Variants in RIPOR1 observed in about 807,000 individuals in gnomAD.
The protein encoded by RIPOR1 is RHO family interacting cell polarization regulator 1.
In RIPOR1, 58 loss-of-function variants were observed where a neutral mutation model predicts 116.5. That is an observed-to-expected ratio of 0.50 (90% CI 0.40 to 0.62). RIPOR1 has a LOEUF of 0.62. RIPOR1 is among the 20% of genes least tolerant of loss of function. The pLI, the probability that RIPOR1 is intolerant of heterozygous loss-of-function variation, is 0.00. For synonymous variants in RIPOR1, 605 were observed against 650.0 expected (o/e 0.93, Z 1.05); for missense variants, 1,372 against 1,586.2 (o/e 0.86, Z 2.29).
At chr16:67,527,867 A>C (rs1209650725), upstream of RIPOR1, among the ~76,000 whole-genome samples, 1 of 151,718 alleles carries the variant, frequency 6.6e-6, no homozygotes, top group Non-Finnish European at 1.5e-5. Flanking sequence ...AAAAAAAAAA[A>C]AAAACCCGAC....
In RIPOR1 at chr16:67,543,035, A is replaced by G. The variant is rs753758611; in HGVS notation, c.2249A>G (p.Gln750Arg). Residue 750 changes from glutamine (Q) to arginine (R), a missense_variant, in exon 13 of 22, where the codon CAG becomes CGG. Gln to Arg is a conservative substitution (Grantham distance 43, BLOSUM62 1). Coordinates refer to ENST00000042381, the MANE Select transcript of RIPOR1 (RefSeq NM_024519.4). The surrounding 1 kb of genome is among the most constrained non-coding windows in gnomAD (Gnocchi z 4.7). ...CCAGATCCCTCAGAGTCTACGGTTCAGAGTCTAAGCCCCACTCCCTCACCC... is the reference window on the plus strand; with the variant it reads ...CCAGATCCCTCAGAGTCTACGGTTCGGAGTCTAAGCCCCACTCCCTCACCC... ...PAPDPSESTV[Q>R]SLSPTPSPPT... The G allele has an allele frequency of 4.6e-5, 71 of 1,540,906 alleles. No homozygotes were observed. The highest frequency in any genetic ancestry group is 6.2e-5 in the Admixed American group (3 of 48,014).
intron 1 of RIPOR1, among the ~76,000 whole-genome samples, chr16:67,533,550 C>T (rs936061571): frequency 1.3e-5 from 2 of 151,858 alleles, no homozygotes; most frequent in South Asian, 2.1e-4. Flanking sequence ...AGGGGAACCA[C>T]GAAGTCCAAA....
Position 67,545,195 on chromosome 16 carries a change from C to A in RIPOR1, c.3031+78C>A. 2 of 1,574,302 alleles carry A rather than the reference C, an allele frequency of 1.3e-6. No homozygotes were observed. Among genetic ancestry groups the A allele is most frequent in the South Asian group, 2.2e-5 (2 of 89,444 alleles). On this transcript the variant is annotated intron_variant, in intron 17 of 21. Transcript: ENST00000042381. The surrounding 1 kb of genome is among the most constrained non-coding windows in gnomAD (Gnocchi z 4.8). ...AGCTCGGGGAAGCCAGGTCAGCCCA[C>A]ACAGATAAACGAACTGGGCACCGAG...
chr16:67,527,648 G>A (rs1415103935), upstream of RIPOR1, among the ~76,000 whole-genome samples: 10 of 151,970 alleles, frequency 6.6e-5, no homozygotes, highest in Non-Finnish European at 1.3e-4. Context: ...AGGCCAAGGC[G>A]GGCAGATCAC....
In RIPOR1 at chr16:67,542,766, TACC is replaced by T. The variant is rs757370282; in HGVS notation, c.1983_1985del (p.Thr662del). The T allele has an allele frequency of 2.2e-4, 348 of 1,612,774 alleles. 1 individual carries two copies. Among genetic ancestry groups the T allele is most frequent in the Middle Eastern group, 2.0e-3 (12 of 6,060 alleles). ...AGACTGCCACAAGTCCCACCCATCC[TACC>T]ACAAGCCCCACCCATCCCACCACAA... On this transcript the variant is annotated inframe_deletion, in exon 13 of 22. Coordinates refer to ENST00000042381, the MANE Select transcript of RIPOR1 (RefSeq NM_024519.4). The surrounding 1 kb of genome is among the most constrained non-coding windows in gnomAD (Gnocchi z 4.6).
upstream of RIPOR1, among the ~76,000 whole-genome samples, chr16:67,524,951 G>T (rs2050527502): frequency 2.0e-5 from 3 of 152,182 alleles, no homozygotes; most frequent in Admixed American, 1.3e-4. Context: ...TAAAGCCCAG[G>T]CTCCCCATCA....
In RIPOR1 at chr16:67,544,625, T is replaced by C; in HGVS notation, c.2734-70T>C. 1 of 1,599,658 alleles carries C rather than the reference T, an allele frequency of 6.3e-7. No homozygotes were observed. The highest frequency in any genetic ancestry group is 8.5e-7 in the Non-Finnish European group (1 of 1,176,214). The stretch of plus-strand genomic sequence containing the variant: ...AACCTCCCCCAGTGCATGCTGGGAC[T>C]TGTCCCTGAGCACGATCCTCCCGAG... On this transcript the variant is annotated intron_variant, in intron 15 of 21. Coordinates refer to ENST00000042381, the MANE Select transcript of RIPOR1 (RefSeq NM_024519.4). This position sits in a 1 kb window ranked among gnomAD's most constrained non-coding sequence, Gnocchi z 5.1.
chr16:67,541,964 C>T lies in RIPOR1; in HGVS notation c.1178C>T (p.Thr393Ile), dbSNP rs1287616024. Residue 393 changes from threonine to isoleucine, a missense_variant, in exon 13 of 22, where the codon ACT (threonine) becomes ATT (isoleucine). Coordinates refer to ENST00000042381, the MANE Select transcript of RIPOR1 (RefSeq NM_024519.4). This position sits in a 1 kb window ranked among gnomAD's most constrained non-coding sequence, Gnocchi z 4.6. Reference sequence around the variant, plus strand: ...TCATCCAGCCCACAGCTCTCAGGCACTGCCCGCCACTCACCAGCCCCTAGG... The same window carrying T: ...TCATCCAGCCCACAGCTCTCAGGCATTGCCCGCCACTCACCAGCCCCTAGG... ...DDSSSPQLSG[T>I]ARHSPAPRPL... The T allele has an allele frequency of 6.2e-7, 1 of 1,612,058 alleles. No individual in the cohort carries two copies. Among genetic ancestry groups the T allele is most frequent in the East Asian group, 2.2e-5 (1 of 44,880 alleles).
rs769698529 is a variant in RIPOR1 at position 67,545,039 on chromosome 16, G to A, written c.2953G>A (p.Val985Met). ...GAGACTCAGCTGCTTCCTCTGCCCG[G>A]TGGAGCGGGTGCTTCTCACCTTCTG... Reference protein sequence around the residue: ...TERLSCFLCPVERVLLTFCNQ... With the variant: ...TERLSCFLCPMERVLLTFCNQ... Residue 985 changes from valine to methionine, a missense_variant, in exon 17 of 22, where the codon GTG becomes ATG. Val to Met is a conservative substitution (Grantham distance 21). Transcript: ENST00000042381. The surrounding 1 kb of genome is among the most constrained non-coding windows in gnomAD (Gnocchi z 4.8). 21 of 1,613,392 alleles carry A rather than the reference G, an allele frequency of 1.3e-5. No homozygotes were observed. Among genetic ancestry groups the A allele is most frequent in the Non-Finnish European group, 1.7e-5 (20 of 1,180,032 alleles).
Position 67,541,758 on chromosome 16 carries a change from C to G in RIPOR1, c.1056C>G (p.Pro352=), listed in dbSNP as rs756134430. ...ATAGCCAGAGCCCACCGGACACACC[C>G]TCACTTCGGGAACAGGCTTTCTATG... ...STYSQSPPDT[P]SLREQAFYNM... Residue 352 remains proline, a synonymous_variant, in exon 12 of 22, where the codon CCC becomes CCG. Transcript: ENST00000042381. The surrounding 1 kb of genome is among the most constrained non-coding windows in gnomAD (Gnocchi z 4.6). The G allele has an allele frequency of 1.4e-5, 22 of 1,614,136 alleles. No homozygotes were observed. The highest frequency in any genetic ancestry group is 1.7e-5 in the Non-Finnish European group (20 of 1,179,998).
chr16:67,544,788 T>G lies in RIPOR1; in HGVS notation c.2827T>G (p.Phe943Val). 6.2e-7 allele frequency: 1 copy of G among 1,601,632 alleles called. No individual in the cohort carries two copies. Among genetic ancestry groups the G allele is most frequent in the Non-Finnish European group, 8.5e-7 (1 of 1,170,582 alleles). Residue 943 changes from phenylalanine (F) to valine (V), a missense_variant, in exon 16 of 22, where the codon TTC becomes GTC. Phe to Val is a conservative substitution (Grantham distance 50, BLOSUM62 -1). This residue lies in a region of RIPOR1 where 1,005 missense variants were observed against 1,144.7 expected (regional missense o/e 0.88). Coordinates refer to ENST00000042381, the MANE Select transcript of RIPOR1 (RefSeq NM_024519.4). This position sits in a 1 kb window ranked among gnomAD's most constrained non-coding sequence, Gnocchi z 5.1. ...EARVLEAVCEFSRRWEIPASS... is the reference protein window; with the variant it reads ...EARVLEAVCEVSRRWEIPASS... Reference sequence around the variant, plus strand: ...CCGAGTACTGGAGGCAGTATGCGAGTTCAGCAGGCGGTGGGAGATCCCGGC... The same window carrying G: ...CCGAGTACTGGAGGCAGTATGCGAGGTCAGCAGGCGGTGGGAGATCCCGGC...
Position 67,546,003 on chromosome 16 carries a change from G to T in RIPOR1, c.3442G>T (p.Ala1148Ser). Residue 1148 changes from alanine (A) to serine (S), a missense_variant, in exon 20 of 22, where the codon GCT becomes TCT. Coordinates refer to ENST00000042381, the MANE Select transcript of RIPOR1 (RefSeq NM_024519.4). ...LEDEDVQTRV[A>S]GCLALGCIKA... ...GGATGAGGACGTGCAGACTCGAGTG[G>T]CTGGCTGCCTGGCCCTAGGCTGCAT... The T allele has an allele frequency of 1.2e-6, 2 of 1,613,616 alleles. No individual in the cohort carries two copies. The highest frequency in any genetic ancestry group is 1.7e-6 in the Non-Finnish European group (2 of 1,180,002).
In RIPOR1 at chr16:67,530,765, C is replaced by T. The variant is rs1024260067; in HGVS notation, c.-24+1851C>T. 6.6e-6 allele frequency among the ~76,000 whole-genome samples: 1 copy of T among 152,172 alleles called. No homozygotes were observed. Among genetic ancestry groups the T allele is most frequent in the African/African-American group, 2.4e-5 (1 of 41,446 alleles). ...CCTGACCTGGCTGTGCTGCAAGCCC[C>T]ATAACCTTTGGAACCTTGGATCTGG... On this transcript the variant is annotated intron_variant, in intron 1 of 21. Coordinates refer to ENST00000042381, the MANE Select transcript of RIPOR1 (RefSeq NM_024519.4). The surrounding 1 kb of genome is among the most constrained non-coding windows in gnomAD (Gnocchi z 4.5).
intron 1 of RIPOR1, among the ~76,000 whole-genome samples, chr16:67,535,723 CT>C (rs1249946746): frequency 2.6e-5 from 4 of 151,948 alleles, no homozygotes; most frequent in Non-Finnish European, 2.9e-5. Context: ...GATGGAAAGC[CT>C]GAGGGTTGCA....
chr16:67,529,779 T>G lies in RIPOR1; in HGVS notation c.-24+865T>G, dbSNP rs999503597. ...GGCTGCAGTCTGCGGGGCCGCGCCC[T>G]GGGCCTGCCGCATTCGGCCAACGCA... On this transcript the variant is annotated intron_variant, in intron 1 of 21. Transcript: ENST00000042381. This position sits in a 1 kb window ranked among gnomAD's most constrained non-coding sequence, Gnocchi z 4.1. The G allele has an allele frequency of 3.3e-5, 50 of 1,535,410 alleles. No homozygotes were observed. The highest frequency in any genetic ancestry group is 1.8e-4 in the Middle Eastern group (1 of 5,558).
At chr16:67,521,633 C>T (rs1299452098) in intron 1 of RIPOR1, among the ~76,000 whole-genome samples, 3 of 152,162 alleles carry the variant, frequency 2.0e-5, no homozygotes, top group Non-Finnish European at 4.4e-5. Context: ...CGCCCCACCC[C>T]TTGCCCAAAC....
Position 67,541,285 on chromosome 16 carries a change from G to T in RIPOR1, c.802-145G>T. ...GAGTCTTGCCATGTTGCCCAAGCTGGTCTTGAACTCCTGGCCTTAAGTGAT... is the reference window on the plus strand; with the variant it reads ...GAGTCTTGCCATGTTGCCCAAGCTGTTCTTGAACTCCTGGCCTTAAGTGAT... On this transcript the variant is annotated intron_variant, in intron 10 of 21. Coordinates refer to ENST00000042381, the MANE Select transcript of RIPOR1 (RefSeq NM_024519.4). The surrounding 1 kb of genome is among the most constrained non-coding windows in gnomAD (Gnocchi z 4.6). 1 of 792,608 alleles carries T rather than the reference G, an allele frequency of 1.3e-6. No homozygotes were observed. Among genetic ancestry groups the T allele is most frequent in the Non-Finnish European group, 2.0e-6 (1 of 506,706 alleles). The allele number at this position is 792,608 out of a possible 1,614,324, so 49.1% of individuals were successfully genotyped here.
Position 67,543,238 on chromosome 16 carries a change from G to A in RIPOR1, c.2452G>A (p.Val818Met). The change falls in exon 13 of 22, where the codon GTG (valine) becomes ATG (methionine). Residue 818 changes from valine (V) to methionine (M), a missense_variant. This residue lies in a region of RIPOR1 where 1,005 missense variants were observed against 1,144.7 expected (regional missense o/e 0.88). Coordinates refer to ENST00000042381, the MANE Select transcript of RIPOR1 (RefSeq NM_024519.4). The surrounding 1 kb of genome is among the most constrained non-coding windows in gnomAD (Gnocchi z 4.7). ...FPELQGLEQE[V>M]TRLESLLMQR... The stretch of plus-strand genomic sequence containing the variant: ...TGAGCTGCAGGGCCTGGAGCAGGAG[G>A]TGACCCGCCTAGAAAGTCTGCTCAT... 3.1e-6 allele frequency: 5 copies of A among 1,588,410 alleles called. No homozygotes were observed. The highest frequency in any genetic ancestry group is 1.1e-5 in the South Asian group (1 of 87,526).
chr16:67,539,099 C>T lies in RIPOR1; in HGVS notation c.336+31C>T, dbSNP rs777472652. Reference sequence around the variant, plus strand: ...TGGCGGGAGGTACGGATGCCCTTTGCCTCTTTGGTGTGGAGGGCTGGGCAA... The same window carrying T: ...TGGCGGGAGGTACGGATGCCCTTTGTCTCTTTGGTGTGGAGGGCTGGGCAA... On this transcript the variant is annotated intron_variant, in intron 4 of 21. Coordinates refer to ENST00000042381, the MANE Select transcript of RIPOR1 (RefSeq NM_024519.4). The T allele has an allele frequency of 1.1e-5, 18 of 1,594,672 alleles. No homozygotes were observed. The Admixed American group carries it at 3.0e-4, about 27-fold the overall frequency.
Sources: allele counts gnomAD v4.1 joint callset (sites outside exome capture counted in the v4.1 genomes callset), GRCh38; gene constraint gnomAD v4.1.1; regional missense constraint gnomAD v4.1.1; non-coding constraint Gnocchi (gnomAD v3.1); transcripts MANE v1.5; gene names NCBI Gene and HGNC (gene_info 2026-07-23, HGNC 2026-07-21).